Variants in CRTC1 observed in about 807,000 individuals in gnomAD.
CRTC1 encodes the protein CREB regulated transcription coactivator 1.
CRTC1 carries 18 observed loss-of-function variants against 66.1 expected under a neutral mutation model. The ratio of observed to expected loss-of-function variants is 0.27; its 90% CI spans 0.19 to 0.40. CRTC1 has a LOEUF of 0.40. Among genes scored for constraint, CRTC1 ranks in the 10% least tolerant of loss-of-function variants. The pLI is 1.00. For missense variants in CRTC1, 669 were observed against 887.9 expected, an observed-to-expected ratio of 0.75 and a Z score of 3.13; for synonymous variants, 416 against 398.8, an observed-to-expected ratio of 1.04 and a Z score of -0.51.
intron 1 of CRTC1, among the ~76,000 whole-genome samples, chr19:18,732,900 G>A (rs1329041547): frequency 6.6e-6 from 1 of 151,876 alleles, no homozygotes; most frequent in Non-Finnish European, 1.5e-5. Flanking sequence ...GACCAGCCTG[G>A]GCAACATAGG....
At chr19:18,723,621 G>A (rs2053678239) in intron 1 of CRTC1, among the ~76,000 whole-genome samples, 1 of 152,222 alleles carries the variant, frequency 6.6e-6, no homozygotes, top group Admixed American at 6.5e-5. Context: ...GTGGGCTTGC[G>A]TCACATTAGA....
At chr19:18,721,932 TC>T (rs1336556452) in intron 1 of CRTC1, among the ~76,000 whole-genome samples, 1 of 152,036 alleles carries the variant, frequency 6.6e-6, no homozygotes, top group Non-Finnish European at 1.5e-5. Context: ...CTTACTGAGG[TC>T]CCCCAGCCTC....
chr19:18,746,162 T>C (rs898116659), intron 3 of CRTC1, among the ~76,000 whole-genome samples: 2 of 152,104 alleles, frequency 1.3e-5, no homozygotes, highest in African/African-American at 4.8e-5. Context: ...CCTGGAGCCT[T>C]TGGCCAGACT....
At chr19:18,756,344 A>AC (rs2054486557) in intron 6 of CRTC1, among the ~76,000 whole-genome samples, 3 of 150,644 alleles carry the variant, frequency 2.0e-5, no homozygotes, top group Admixed American at 1.3e-4. Context: ...CAAAAAAAAA[A>AC]AAAAAAAAAA....
intron 1 of CRTC1, among the ~76,000 whole-genome samples, chr19:18,701,695 T>C: frequency 6.6e-6 from 1 of 152,208 alleles, no homozygotes; most frequent in Non-Finnish European, 1.5e-5. Context: ...AACGTCCACC[T>C]CCTGGGTTCA....
At chr19:18,759,944 CCT>C in intron 7 of CRTC1, 62 bp from the exon 8 acceptor site, 2 of 1,313,746 alleles carry the variant, frequency 1.5e-6, no homozygotes, top group Admixed American at 2.1e-5. Flanking sequence ...CCGCCAGCCC[CCT>C]GTCCCCGCCG....
intron 11 of CRTC1, among the ~76,000 whole-genome samples, chr19:18,773,089 G>A (rs759036222): frequency 1.3e-4 from 20 of 152,190 alleles, no homozygotes; most frequent in Non-Finnish European, 2.2e-4. Context: ...AGCAGGTGGC[G>A]GTGTTGTCAA....
At chr19:18,766,194 T>C (rs1470023383) in intron 9 of CRTC1, among the ~76,000 whole-genome samples, 1 of 151,498 alleles carries the variant, frequency 6.6e-6, no homozygotes, top group Non-Finnish European at 1.5e-5. Flanking sequence ...TGATCTCGGC[T>C]CACGGCAACC....
chr19:18,733,357 C>T lies in CRTC1; in HGVS notation c.127-9553C>T, dbSNP rs958659721. 4.6e-5 allele frequency among the ~76,000 whole-genome samples: 7 copies of T among 152,324 alleles called. No individual in the cohort carries two copies. In the East Asian group the frequency reaches 5.8e-4, roughly 13 times the overall value. ...CTCAGCCCCCGAGGGACCCTTCACA[C>T]GTCCCAGCCGCCACCTACAAGAGAA... On this transcript the variant is annotated intron_variant, in intron 1 of 13. Transcript: ENST00000321949.
rs4808151 is a variant in CRTC1 at position 18,712,292 on chromosome 19, T to C, written c.126+28464T>C. Reference sequence around the variant, plus strand: ...GTTTGTTTTTGAGACAGGAGCTCACTCCGTTGCCCAGGCTGGAGTTCAGTG... The same window carrying C: ...GTTTGTTTTTGAGACAGGAGCTCACCCCGTTGCCCAGGCTGGAGTTCAGTG... On this transcript the variant is annotated intron_variant, in intron 1 of 13. Transcript: ENST00000321949. Among the ~76,000 whole-genome samples the C allele has an allele frequency of 1.3e-3, 191 of 152,170 alleles. 3 individuals carry two copies. In the East Asian group the frequency reaches 0.019, roughly 15 times the overall value.
At chr19:18,762,369 G>A (rs910503965) in intron 8 of CRTC1, among the ~76,000 whole-genome samples, 2 of 152,222 alleles carry the variant, frequency 1.3e-5, no homozygotes, top group African/African-American at 4.8e-5. Context: ...CAAGCAGCTC[G>A]CCTGGCAGGG....
intron 1 of CRTC1, among the ~76,000 whole-genome samples, chr19:18,711,507 A>G (rs555694071): frequency 6.6e-6 from 1 of 152,288 alleles, no homozygotes; most frequent in East Asian, 1.9e-4. Flanking sequence ...AAGAAAAAAA[A>G]AGTAAAAGTT....
At chr19:18,683,941 C>T in intron 1 of CRTC1, 113 bp downstream of exon 1, 1 of 51,038 alleles carries the variant, frequency 2.0e-5, no homozygotes, top group East Asian at 5.2e-4. Flanking sequence ...GCGGGGCGCG[C>T]GCGGCGGGGG....
At chr19:18,711,043 G>A (rs1199073475) in intron 1 of CRTC1, among the ~76,000 whole-genome samples, 1 of 152,218 alleles carries the variant, frequency 6.6e-6, no homozygotes, top group Non-Finnish European at 1.5e-5. Context: ...GGAGTCTGCT[G>A]TGGCCAGGGC....
At chr19:18,729,523 T>A (rs1459492467) in intron 1 of CRTC1, among the ~76,000 whole-genome samples, 1 of 150,534 alleles carries the variant, frequency 6.6e-6, no homozygotes, top group African/African-American at 2.4e-5. Flanking sequence ...GTCAGGAGGA[T>A]CATTGGAGCT....
At chr19:18,757,244 G>C (rs145375808) in intron 6 of CRTC1, among the ~76,000 whole-genome samples, 2 of 152,146 alleles carry the variant, frequency 1.3e-5, no homozygotes, top group Non-Finnish European at 1.5e-5. Context: ...AGCAGAAGAC[G>C]GTCCTGCCTT....
intron 5 of CRTC1, 36 bp downstream of exon 5, chr19:18,749,911 G>C: frequency 6.5e-7 from 1 of 1,548,216 alleles, no homozygotes. Context: ...CTGCTGGGGT[G>C]AGGCAAGTCC....
chr19:18,689,351 C>T (rs918045936), intron 1 of CRTC1, among the ~76,000 whole-genome samples: 12 of 150,620 alleles, frequency 8.0e-5, no homozygotes, highest in Non-Finnish European at 1.5e-4. Flanking sequence ...CCTTTTGTGT[C>T]TGCCTTCTTT....
intron 1 of CRTC1, among the ~76,000 whole-genome samples, chr19:18,698,152 G>T (rs961393213): frequency 4.6e-5 from 7 of 151,732 alleles, no homozygotes; most frequent in African/African-American, 1.7e-4. Context: ...GGCGCAGCAT[G>T]TACTCAGCAG....
Sources: gnomAD v4.1 joint callset for allele counts (sites outside exome capture counted in the v4.1 genomes callset) on GRCh38, gnomAD v4.1.1 for gene constraint, MANE v1.5 for transcripts, NCBI Gene and HGNC (gene_info 2026-07-23, HGNC 2026-07-21) for gene names.